ZNF383: variants seen among roughly 807,000 people sequenced by gnomAD.
ZNF383 encodes the protein zinc finger protein 383.
A neutral mutation model predicts 44.2 loss-of-function variants in ZNF383; 32 were observed. The ratio of observed to expected loss-of-function variants is 0.72; its 90% confidence interval spans 0.55 to 0.97. ZNF383 has a LOEUF of 0.97. Ranked by LOEUF, ZNF383 falls within the 50% of genes least tolerant of loss-of-function variation. The probability of loss-of-function intolerance (pLI) is 0.00; values close to 1 mark genes in which losing one functional copy is unlikely to be tolerated. For synonymous variants in ZNF383, 155 were observed against 186.2 expected, an observed-to-expected ratio of 0.83 and a Z score of 1.36; for missense variants, 487 against 562.5, an observed-to-expected ratio of 0.87 and a Z score of 1.36.
chr19:37,235,832 T>G, intron 4 of ZNF383, 147 bp from the exon 5 acceptor site: 1 of 1,253,566 alleles, frequency 8.0e-7, no homozygotes, highest in South Asian at 1.5e-5. Flanking sequence ...GAGTGGGAAA[T>G]TGGCAACTCC....
At position 37,243,315 on chromosome 19, in the gene ZNF383, A is replaced by G. The variant is rs1381897171; in HGVS notation, c.1079A>G (p.His360Arg). Residue 360 changes from histidine to arginine, a missense_variant, in exon 6 of 6, where the codon CAC (histidine) becomes CGC (arginine). By Grantham distance (29) the His-to-Arg change is conservative. Transcript: ENST00000684119. ...GSALTNHQRI[H>R]TGEKPYDCKE... is the part of the protein sequence containing the mutation. Reference sequence around the variant, plus strand: ...GCACTTACTAATCATCAGAGAATTCACACTGGTGAGAAACCCTATGATTGT... The same window carrying G: ...GCACTTACTAATCATCAGAGAATTCGCACTGGTGAGAAACCCTATGATTGT... 5 of 1,614,074 alleles carry G rather than the reference A, an allele frequency of 3.1e-6. No homozygotes were observed. The East Asian group carries it at 1.1e-4, about 36-fold the overall frequency.
intron 3 of ZNF383, among the ~76,000 whole-genome samples, chr19:37,233,895 G>A (rs758606916): frequency 7.4e-5 from 11 of 149,116 alleles, no homozygotes; most frequent in East Asian, 6.1e-4. Context: ...ACGGAGTTTC[G>A]CTTTTATCGC....
Position 37,242,611 on chromosome 19 carries a change from C to T in ZNF383, c.375C>T (p.Ser125=), listed in dbSNP as rs766667601. 12 of 1,613,872 alleles carry T rather than the reference C, an allele frequency of 7.4e-6. No individual in the cohort carries two copies. The South Asian group carries it at 1.2e-4, about 16-fold the overall frequency. ...TTGGAGATGTTTTGGAATATAGAAG[C>T]CACCTTGCAAAACAACTGGGATATC... ...SSFGDVLEYR[S]HLAKQLGYPN... The change falls in exon 6 of 6, where the codon AGC becomes AGT. Residue 125 remains serine (S), a synonymous_variant. Transcript: ENST00000684119.
chr19:37,231,379 G>A (rs906515253), intron 3 of ZNF383, among the ~76,000 whole-genome samples: 1 of 152,060 alleles, frequency 6.6e-6, no homozygotes, highest in Non-Finnish European at 1.5e-5. Flanking sequence ...CAGAAAATTA[G>A]CCAGGTGTGG....
chr19:37,222,075 C>T (rs1972951246), intron 1 of ZNF383, among the ~76,000 whole-genome samples: 2 of 152,152 alleles, frequency 1.3e-5, no homozygotes, highest in Admixed American at 1.3e-4. Context: ...TCACTACCCA[C>T]TTCTCCTAAA....
chr19:37,243,714 T>C lies in ZNF383; in HGVS notation c.*50T>C. 1 of 1,250,276 alleles carries C rather than the reference T, an allele frequency of 8.0e-7. No homozygotes were observed. The highest frequency in any genetic ancestry group is 1.8e-5 in the South Asian group (1 of 56,918). 77.4% of individuals were successfully genotyped at this position (1,250,276 alleles called of 1,614,324 possible). On this transcript the variant is annotated 3_prime_UTR_variant, in exon 6 of 6. Coordinates refer to ENST00000684119, the MANE Select transcript of ZNF383 (RefSeq NM_001387601.1). ...TCCTCATATTTTAAACCAAAAATCATGTCTAATAGTTACCCTCTTCCGTAG... is the reference window on the plus strand; with the variant it reads ...TCCTCATATTTTAAACCAAAAATCACGTCTAATAGTTACCCTCTTCCGTAG...
chr19:37,237,624 C>T (rs1350342319), intron 5 of ZNF383, among the ~76,000 whole-genome samples: 1 of 152,092 alleles, frequency 6.6e-6, no homozygotes, highest in Non-Finnish European at 1.5e-5. Flanking sequence ...TACCTCACAT[C>T]GAGTAATTTA....
At chr19:37,233,747 T>A (rs761934697) in intron 3 of ZNF383, among the ~76,000 whole-genome samples, 1 of 151,988 alleles carries the variant, frequency 6.6e-6, no homozygotes, top group Non-Finnish European at 1.5e-5. Flanking sequence ...TTTTTAATCC[T>A]ATGGGAAATG....
At chr19:37,229,354 T>G (rs1973342154) in intron 2 of ZNF383, among the ~76,000 whole-genome samples, 1 of 150,324 alleles carries the variant, frequency 6.7e-6, no homozygotes, top group South Asian at 2.1e-4. Flanking sequence ...AGAGACGGTT[T>G]CTCCATGTTG....
At chr19:37,226,454 CATTA>C (rs1973174652) in intron 2 of ZNF383, 1 of 152,186 alleles carries the variant, frequency 6.6e-6, no homozygotes, top group Non-Finnish European at 1.5e-5. Flanking sequence ...ATGTCATCCA[CATTA>C]ATTCCATTGC....
chr19:37,234,835 T>G (rs1227254879), intron 3 of ZNF383, among the ~76,000 whole-genome samples: 1 of 152,150 alleles, frequency 6.6e-6, no homozygotes, highest in Non-Finnish European at 1.5e-5. Context: ...ATCCTAACAG[T>G]TTTTGGTTGC....
intron 5 of ZNF383, among the ~76,000 whole-genome samples, chr19:37,241,700 C>G (rs1406076133): frequency 6.6e-6 from 1 of 152,074 alleles, no homozygotes; most frequent in African/African-American, 2.4e-5. Flanking sequence ...TTTCTAAGGT[C>G]CTACCATGAA....
chr19:37,246,570 A>T lies in ZNF383; in HGVS notation c.*2906A>T, dbSNP rs957451233. Reference sequence around the variant, plus strand: ...TGGATCACTTGAGGTCAGGAGCTCGAGACCAGCCTGGCCAACATGGTGAAA... The same window carrying T: ...TGGATCACTTGAGGTCAGGAGCTCGTGACCAGCCTGGCCAACATGGTGAAA... On this transcript the variant is annotated 3_prime_UTR_variant, in exon 6 of 6. Coordinates refer to ENST00000684119, the MANE Select transcript of ZNF383 (RefSeq NM_001387601.1). 1.3e-5 allele frequency: 2 copies of T among 152,170 alleles called. No homozygotes were observed. The highest frequency in any genetic ancestry group is 4.8e-5 in the African/African-American group (2 of 41,428). The allele number at this position is 152,170 out of a possible 1,614,324, so 9.4% of individuals were successfully genotyped here. A position where few individuals can be genotyped will look rare whatever the true frequency, so the allele number is the denominator to read the frequency against.
At position 37,245,196 on chromosome 19, in the gene ZNF383, ACCT is replaced by A. The variant is rs1216807000; in HGVS notation, c.*1533_*1535del. 3 of 152,018 alleles carry A rather than the reference ACCT, an allele frequency of 2.0e-5. No individual in the cohort carries two copies. Among genetic ancestry groups the A allele is most frequent in the Non-Finnish European group, 4.4e-5 (3 of 68,068 alleles). 9.4% of individuals were successfully genotyped at this position (152,018 alleles called of 1,614,324 possible). ...AGGCTGAGACAGGAGAATTGCTTGA[ACCT>A]GGGAGGCGGAGGTTGCAGTGAGCTG... On this transcript the variant is annotated 3_prime_UTR_variant, in exon 6 of 6. Transcript: ENST00000684119.
intron 3 of ZNF383, among the ~76,000 whole-genome samples, chr19:37,233,680 A>C (rs1415440223): frequency 1.3e-5 from 2 of 151,684 alleles, no homozygotes; most frequent in Non-Finnish European, 2.9e-5. Flanking sequence ...CGCCCGCCTC[A>C]GCCTCCCAAA....
chr19:37,232,443 T>C (rs1973544421), intron 3 of ZNF383, among the ~76,000 whole-genome samples: 1 of 152,156 alleles, frequency 6.6e-6, no homozygotes, highest in African/African-American at 2.4e-5. Context: ...TTTGGTTTTA[T>C]ACCAATAAAA....
At position 37,235,978 on chromosome 19, in the gene ZNF383, G is replaced by A; in HGVS notation, c.137-1G>A. The A allele has an allele frequency of 1.2e-6, 2 of 1,611,208 alleles. No homozygotes were observed. The highest frequency in any genetic ancestry group is 8.5e-7 in the Non-Finnish European group (1 of 1,178,820). Reference sequence around the variant, plus strand: ...TGTTCCATATCTTTTCTCGTGAGCAGGACTTTACACTCCTAAGCCTCAAGT... The same window carrying A: ...TGTTCCATATCTTTTCTCGTGAGCAAGACTTTACACTCCTAAGCCTCAAGT... On this transcript the variant is annotated splice_acceptor_variant, in intron 4 of 5. Coordinates refer to ENST00000684119, the MANE Select transcript of ZNF383 (RefSeq NM_001387601.1). LOFTEE classifies it high-confidence loss of function.
intron 3 of ZNF383, among the ~76,000 whole-genome samples, chr19:37,234,527 C>T (rs1348266420): frequency 2.0e-5 from 3 of 151,998 alleles, no homozygotes; most frequent in Admixed American, 1.3e-4. Flanking sequence ...TAGCTGAGGA[C>T]TACAGGCGCC....
chr19:37,231,347 A>C (rs939932759), intron 3 of ZNF383, among the ~76,000 whole-genome samples: 5 of 152,024 alleles, frequency 3.3e-5, no homozygotes, highest in Non-Finnish European at 7.4e-5. Context: ...AACATGGTGA[A>C]ACCCCATCTC....
Sources: allele counts gnomAD v4.1 joint callset (sites outside exome capture counted in the v4.1 genomes callset), GRCh38; gene constraint gnomAD v4.1.1; transcripts MANE v1.5; gene names NCBI Gene and HGNC (gene_info 2026-07-23, HGNC 2026-07-21).